The following NCALD variants were observed in gnomAD, a reference collection of about 807,000 sequenced individuals.
NCALD encodes neurocalcin delta.
In NCALD, 10 loss-of-function variants were observed where a neutral mutation model predicts 18.6. The observed-to-expected ratio is 0.54, with a 90% confidence interval of 0.33 to 0.91. NCALD has a LOEUF of 0.91. Among genes scored for constraint, NCALD ranks in the 40% least tolerant of loss-of-function variants. NCALD has a pLI of 0.03. For synonymous variants in NCALD, 88 were observed against 87.4 expected (o/e 1.01, Z -0.04); for missense variants, 184 against 247.6 (o/e 0.74, Z 1.72).
At chr8:102,104,257 GGGT>G (rs1376389152) in intron 1 of NCALD, among the ~76,000 whole-genome samples, 2 of 152,102 alleles carry the variant, frequency 1.3e-5, no homozygotes, top group Admixed American at 6.5e-5. Context: ...TAAATAAACT[GGGT>G]TTTAAATCCT....
intron 1 of NCALD, among the ~76,000 whole-genome samples, chr8:101,768,260 G>T (rs1309882871): frequency 6.6e-6 from 1 of 152,214 alleles, no homozygotes; most frequent in Non-Finnish European, 1.5e-5. Flanking sequence ...ATTTCCCTCA[G>T]ACAGAGCAGA....
intron 1 of NCALD, chr8:101,786,131 A>G (rs1472138829): frequency 6.6e-6 from 1 of 152,186 alleles, no homozygotes; most frequent in Non-Finnish European, 1.5e-5. Context: ...TGCATATTCC[A>G]TGATGGAAGG....
intron 1 of NCALD, among the ~76,000 whole-genome samples, chr8:101,749,655 A>G (rs867440842): frequency 3.9e-5 from 6 of 152,344 alleles, no homozygotes; most frequent in South Asian, 2.1e-4. Flanking sequence ...GTCTATGCAT[A>G]TACAGAGGAA....
chr8:101,987,594 T>C (rs1440760788), intron 2 of NCALD, among the ~76,000 whole-genome samples: 2 of 152,174 alleles, frequency 1.3e-5, no homozygotes, highest in East Asian at 3.9e-4. Flanking sequence ...GTACATTTAC[T>C]TGAGAAATTG....
chr8:101,736,037 A>G (rs1407586434), intron 1 of NCALD, among the ~76,000 whole-genome samples: 2 of 152,208 alleles, frequency 1.3e-5, no homozygotes, highest in East Asian at 1.9e-4. Context: ...AGCTGATAAG[A>G]AAAGGTGCTC....
intron 2 of NCALD, among the ~76,000 whole-genome samples, chr8:101,718,064 T>G (rs986854401): frequency 1.3e-5 from 2 of 152,160 alleles, no homozygotes; most frequent in African/African-American, 4.8e-5. Context: ...GGAAACAGTT[T>G]AAGAAATTCA....
At chr8:101,839,889 A>T (rs1400620760) in intron 4 of NCALD, among the ~76,000 whole-genome samples, 1 of 151,986 alleles carries the variant, frequency 6.6e-6, no homozygotes, top group Non-Finnish European at 1.5e-5. Context: ...GGATCTCACC[A>T]ATTAGTTCCA....
At chr8:101,766,720 G>A (rs1164692216) in intron 1 of NCALD, among the ~76,000 whole-genome samples, 3 of 152,128 alleles carry the variant, frequency 2.0e-5, no homozygotes, top group African/African-American at 7.2e-5. Flanking sequence ...GGGATTACAG[G>A]CGCATGCCAC....
At chr8:101,774,943 A>G (rs1811731535) in intron 1 of NCALD, among the ~76,000 whole-genome samples, 1 of 152,158 alleles carries the variant, frequency 6.6e-6, no homozygotes, top group Non-Finnish European at 1.5e-5. Context: ...TGACAGCCTC[A>G]ATCTTTTGGG....
At chr8:101,744,053 G>A (rs1234010768) in intron 1 of NCALD, among the ~76,000 whole-genome samples, 1 of 152,186 alleles carries the variant, frequency 6.6e-6, no homozygotes, top group Non-Finnish European at 1.5e-5. Flanking sequence ...CAATTTGTTG[G>A]TGGAACGAAC....
intron 2 of NCALD, among the ~76,000 whole-genome samples, chr8:101,923,149 A>C (rs528278749): frequency 2.6e-5 from 4 of 152,324 alleles, no homozygotes; most frequent in African/African-American, 9.6e-5. Flanking sequence ...ACACAAGAAG[A>C]AGCACCATGT....
At chr8:101,704,873 C>T (rs1407945537) in intron 2 of NCALD, among the ~76,000 whole-genome samples, 1 of 150,058 alleles carries the variant, frequency 6.7e-6, no homozygotes, top group African/African-American at 2.5e-5. Flanking sequence ...AAGCTGAGAT[C>T]GCGCCATTGC....
At chr8:101,700,125 A>C (rs1041687129) in intron 2 of NCALD, among the ~76,000 whole-genome samples, 9 of 151,902 alleles carry the variant, frequency 5.9e-5, no homozygotes, top group Middle Eastern at 3.4e-3. Context: ...CAGTGATGCT[A>C]TCATGGCTCA....
intron 2 of NCALD, among the ~76,000 whole-genome samples, chr8:101,996,300 A>G (rs1821237297): frequency 6.6e-6 from 1 of 152,212 alleles, no homozygotes; most frequent in African/African-American, 2.4e-5. Flanking sequence ...GCTATCATCA[A>G]CTGAAGCTAT....
intron 2 of NCALD, among the ~76,000 whole-genome samples, chr8:101,975,616 G>A (rs1297230546): frequency 1.3e-5 from 2 of 152,166 alleles, no homozygotes; most frequent in African/African-American, 2.4e-5. Flanking sequence ...CTGAATTTGT[G>A]AGACCTCTAC....
At chr8:101,990,471 T>C (rs1263005670) in intron 2 of NCALD, among the ~76,000 whole-genome samples, 2 of 152,210 alleles carry the variant, frequency 1.3e-5, no homozygotes, top group Non-Finnish European at 2.9e-5. Context: ...TCATCTTGAA[T>C]TGTAGCTCCC....
intron 1 of NCALD, among the ~76,000 whole-genome samples, chr8:101,732,494 A>G (rs1418445885): frequency 2.0e-5 from 3 of 152,068 alleles, no homozygotes; most frequent in Non-Finnish European, 2.9e-5. Context: ...CCTGGTTTAG[A>G]AAGAATCTTT....
chr8:101,703,414 T>C (rs931464842), intron 2 of NCALD, among the ~76,000 whole-genome samples: 1 of 151,972 alleles, frequency 6.6e-6, no homozygotes. Context: ...GCAGGACAGG[T>C]CAACACAGAA....
At chr8:101,707,980 T>C (rs540523336) in intron 2 of NCALD, among the ~76,000 whole-genome samples, 2 of 152,352 alleles carry the variant, frequency 1.3e-5, no homozygotes, top group East Asian at 3.9e-4. Context: ...GTAAAAGTGC[T>C]GATTACAAAT....
Sources: gnomAD v4.1 joint callset for allele counts (sites outside exome capture counted in the v4.1 genomes callset) on GRCh38, gnomAD v4.1.1 for gene constraint, MANE v1.5 for transcripts, NCBI Gene and HGNC (gene_info 2026-07-23, HGNC 2026-07-21) for gene names.